Variants in PCDHGB5 observed in about 807,000 individuals in gnomAD.
PCDHGB5 encodes the protein protocadherin gamma-B5.
A neutral mutation model predicts 62.9 loss-of-function variants in PCDHGB5; 48 were observed. The observed-to-expected ratio is 0.76, with a 90% CI of 0.61 to 0.97. The LOEUF (loss-of-function observed/expected upper bound fraction) is 0.97, where lower values mean the gene tolerates loss of function less well. Among genes scored for constraint, PCDHGB5 ranks in the 50% least tolerant of loss-of-function variants. The pLI, the probability that PCDHGB5 is intolerant of heterozygous loss-of-function variation, is 0.00. For synonymous variants in PCDHGB5, 474 were observed against 511.2 expected (o/e 0.93, Z 0.98); for missense variants, 1,118 against 1,198.6 (o/e 0.93, Z 0.99).
chr5:141,450,669 T>C (rs2098689726), intron 1 of PCDHGB5, among the ~76,000 whole-genome samples: 1 of 151,904 alleles, frequency 6.6e-6, no homozygotes, highest in Admixed American at 6.6e-5. Context: ...GTACTTTTAG[T>C]AGAAACGGGG....
At position 141,487,063 on chromosome 5, in the gene PCDHGB5, G is replaced by A. The variant is rs754361361; in HGVS notation, c.2398-7744G>A. 39 of 1,614,086 alleles carry A rather than the reference G, an allele frequency of 2.4e-5. No individual in the cohort carries two copies. In the South Asian group the frequency reaches 3.7e-4, roughly 15 times the overall value. The stretch of plus-strand genomic sequence containing the variant: ...CTCGATATGCTGGGGAGGTGCGGAC[G>A]GCTGTTCCTATCCCAGCTGACCTCC... On this transcript the variant is annotated intron_variant, in intron 1 of 3. Transcript: ENST00000617380. The surrounding 1 kb of genome is among the most constrained non-coding windows in gnomAD (Gnocchi z 5.0).
intron 1 of PCDHGB5, among the ~76,000 whole-genome samples, chr5:141,454,239 A>T (rs1221886368): frequency 6.6e-6 from 1 of 152,200 alleles, no homozygotes; most frequent in Non-Finnish European, 1.5e-5. Context: ...GATGAAAAGG[A>T]TGAAGATGTC....
intron 1 of PCDHGB5, among the ~76,000 whole-genome samples, chr5:141,460,577 TGTG>T (rs2098992364): frequency 6.6e-6 from 1 of 152,094 alleles, no homozygotes; most frequent in African/African-American, 2.4e-5. Context: ...CATATGTAGG[TGTG>T]GGTTTTTTCT....
chr5:141,502,784 G>C (rs185608958), intron 2 of PCDHGB5, among the ~76,000 whole-genome samples: 1 of 151,804 alleles, frequency 6.6e-6, no homozygotes, highest in Non-Finnish European at 1.5e-5. Flanking sequence ...AAATTACCTG[G>C]ATGATTTCTT....
chr5:141,415,404 C>T, intron 1 of PCDHGB5: 1 of 1,614,238 alleles, frequency 6.2e-7, no homozygotes, highest in Non-Finnish European at 8.5e-7. Context: ...CCGGCTCGCA[C>T]TTTGTGGGCG....
Position 141,399,910 on chromosome 5 carries a change from G to T in PCDHGB5, c.1783G>T (p.Gly595Ter). ...TKVVAVDADS[G>*]HNAWLSYHVL... ...GGTAGTGGCCGTGGACGCAGACTCA[G>T]GACACAACGCCTGGCTGTCCTACCA... The change falls in exon 1 of 4, where the codon GGA (glycine) becomes TGA (stop). Residue 595 changes from glycine to a stop codon, truncating the protein, a stop_gained. Transcript: ENST00000617380. LOFTEE classifies it high-confidence loss of function. 1 of 1,612,438 alleles carries T rather than the reference G, an allele frequency of 6.2e-7. No individual in the cohort carries two copies. Among genetic ancestry groups the T allele is most frequent in the Non-Finnish European group, 8.5e-7 (1 of 1,179,782 alleles).
At chr5:141,438,287 T>C (rs1183751436) in intron 1 of PCDHGB5, among the ~76,000 whole-genome samples, 1 of 152,054 alleles carries the variant, frequency 6.6e-6, no homozygotes, top group African/African-American at 2.4e-5. Context: ...TAATTTAATC[T>C]GTATGTAAAA....
intron 1 of PCDHGB5, chr5:141,475,890 G>C: frequency 1.8e-6 from 1 of 565,896 alleles, no homozygotes; most frequent in South Asian, 2.3e-5. Flanking sequence ...CTGGGACTCT[G>C]TGTGCCGCTG....
At chr5:141,458,219 C>T (rs2098940224) in intron 1 of PCDHGB5, among the ~76,000 whole-genome samples, 1 of 152,248 alleles carries the variant, frequency 6.6e-6, no homozygotes, top group African/African-American at 2.4e-5. Flanking sequence ...AATAAGTTTC[C>T]TTTCCCAGTC....
At chr5:141,436,331 T>A (rs919524287) in intron 1 of PCDHGB5, among the ~76,000 whole-genome samples, 1 of 152,198 alleles carries the variant, frequency 6.6e-6, no homozygotes, top group Non-Finnish European at 1.5e-5. Flanking sequence ...TTAGACCATA[T>A]CTCAAATATC....
At chr5:141,427,410 G>GA (rs1197961039) in intron 1 of PCDHGB5, 3 of 463,834 alleles carry the variant, frequency 6.5e-6, no homozygotes, top group African/African-American at 2.0e-5. Flanking sequence ...AGATTCGAGA[G>GA]AAAATGGGGA....
Position 141,493,477 on chromosome 5 carries a change from G to A in PCDHGB5, c.2398-1330G>A, listed in dbSNP as rs1657824440. On this transcript the variant is annotated intron_variant, in intron 1 of 3. Transcript: ENST00000617380. This position sits in a 1 kb window ranked among gnomAD's most constrained non-coding sequence, Gnocchi z 4.3. ...TTCCCTTTTAGGACCTTACATGTGG[G>A]GAAAGTCTTCTGTGGCTCCTCATTT... is the stretch of plus-strand genomic sequence containing the variant. Among the ~76,000 whole-genome samples, 3 of 152,124 alleles carry A rather than the reference G, an allele frequency of 2.0e-5. No individual in the cohort carries two copies. The highest frequency in any genetic ancestry group is 6.5e-5 in the Admixed American group (1 of 15,272).
rs1168649993 is a variant in PCDHGB5, at chr5:141,432,243, C to G, written c.2397+31719C>G. On this transcript the variant is annotated intron_variant, in intron 1 of 3. Transcript: ENST00000617380. The surrounding 1 kb of genome is among the most constrained non-coding windows in gnomAD (Gnocchi z 6.0). ...ATCACTTATTCCCTGGCTGAGAACA[C>G]CATCCAAGGGGCAAGCCTATCGTCC... 1 of 1,614,244 alleles carries G rather than the reference C, an allele frequency of 6.2e-7. No individual in the cohort carries two copies. Among genetic ancestry groups the G allele is most frequent in the Non-Finnish European group, 8.5e-7 (1 of 1,180,050 alleles).
In PCDHGB5 at chr5:141,398,312, C is replaced by A; in HGVS notation, c.185C>A (p.Pro62Gln). The change falls in exon 1 of 4, where the codon CCG becomes CAG. Residue 62 changes from proline (P) to glutamine (Q), a missense_variant. Physicochemically the swap from Pro to Gln is moderately conservative, Grantham distance 76. Coordinates refer to ENST00000617380, the MANE Select transcript of PCDHGB5 (RefSeq NM_018925.3). ...TDLGFSVQEL[P>Q]TRKLRVSSEK... ...CTGGGGTTCAGCGTCCAGGAGTTAC[C>A]GACTCGAAAACTGCGCGTCAGTTCG... The A allele has an allele frequency of 1.5e-6, 2 of 1,355,208 alleles. No homozygotes were observed. The highest frequency in any genetic ancestry group is 2.5e-5 in the East Asian group (1 of 40,192). 83.9% of individuals were successfully genotyped at this position (1,355,208 alleles called of 1,614,324 possible). A position where few individuals can be genotyped will look rare whatever the true frequency, so the allele number is the denominator to read the frequency against.
At chr5:141,506,682 C>T (rs1333272766) in intron 3 of PCDHGB5, among the ~76,000 whole-genome samples, 4 of 152,192 alleles carry the variant, frequency 2.6e-5, no homozygotes, top group African/African-American at 9.6e-5. Context: ...ATATTATTAT[C>T]TTTGCTGACC....
At position 141,398,517 on chromosome 5, in the gene PCDHGB5, G is replaced by C. The variant is rs754431224; in HGVS notation, c.390G>C (p.Thr130=). The part of the protein sequence containing the change: ...NVEIEDINDH[T]PKFTQNSFEL... ...AGATCGAGGACATTAATGACCACACGCCAAAATTCACGCAAAATTCCTTTG... is the reference window on the plus strand; with the variant it reads ...AGATCGAGGACATTAATGACCACACCCCAAAATTCACGCAAAATTCCTTTG... Residue 130 remains threonine, a synonymous_variant, in exon 1 of 4, where the codon ACG becomes ACC. Transcript: ENST00000617380. 2.4e-5 allele frequency: 38 copies of C among 1,592,096 alleles called. No homozygotes were observed. The highest frequency in any genetic ancestry group is 3.1e-5 in the Non-Finnish European group (36 of 1,170,346).
intron 1 of PCDHGB5, among the ~76,000 whole-genome samples, chr5:141,457,900 A>C (rs2098931922): frequency 6.7e-6 from 1 of 149,818 alleles, no homozygotes; most frequent in Admixed American, 6.6e-5. Context: ...CTGTGTAGAC[A>C]AGGTGTGAGG....
chr5:141,428,331 G>A, intron 1 of PCDHGB5: 2 of 625,576 alleles, frequency 3.2e-6, no homozygotes, highest in East Asian at 2.9e-5. Context: ...TGATTTCTAT[G>A]CTCTTCTTCC....
intron 1 of PCDHGB5, chr5:141,422,581 G>A (rs1223117895): frequency 3.7e-6 from 6 of 1,613,984 alleles, no homozygotes; most frequent in Non-Finnish European, 4.2e-6. Flanking sequence ...TAACCCTCCC[G>A]TTTTTCCTCA....
Sources: gnomAD v4.1 joint callset for allele counts (sites outside exome capture counted in the v4.1 genomes callset) on GRCh38, gnomAD v4.1.1 for gene constraint, Gnocchi (gnomAD v3.1) non-coding constraint, MANE v1.5 for transcripts, NCBI Gene and HGNC (gene_info 2026-07-23, HGNC 2026-07-21) for gene names.